SLC51B: variants seen among roughly 807,000 people sequenced by gnomAD.
SLC51B encodes organic solute transporter subunit beta.
SLC51B carries 6 observed loss-of-function variants against 8.0 expected under a neutral mutation model. That is an observed-to-expected ratio of 0.75 (90% CI 0.41 to 1.48). SLC51B has a LOEUF of 1.48. SLC51B is among the 40% of genes most tolerant of loss of function. SLC51B has a pLI of 0.01. For missense variants in SLC51B, 150 were observed against 149.7 expected, an observed-to-expected ratio of 1.00 and a Z score of -0.01; for synonymous variants, 61 against 54.8, an observed-to-expected ratio of 1.11 and a Z score of -0.50.
chr15:65,049,902 T>G lies in SLC51B; in HGVS notation c.-103T>G. 1.3e-6 allele frequency: 1 copy of G among 782,136 alleles called. No homozygotes were observed. The highest frequency in any genetic ancestry group is 3.1e-5 in the Admixed American group (1 of 32,598). The allele number at this position is 782,136 out of a possible 1,614,324, so 48.4% of individuals were successfully genotyped here. A position where few individuals can be genotyped will look rare whatever the true frequency, so the allele number is the denominator to read the frequency against. ...GCTGTCTGCTTTGTTTCCAGGGGTC[T>G]TCACGGCTTCTCTGCCCAGGGGCCA... On this transcript the variant is annotated 5_prime_UTR_variant, in exon 2 of 4. Transcript: ENST00000334287.
intron 1 of SLC51B, among the ~76,000 whole-genome samples, chr15:65,047,487 T>G (rs1182057940): frequency 6.6e-6 from 1 of 152,158 alleles, no homozygotes; most frequent in Non-Finnish European, 1.5e-5. Flanking sequence ...GAATATCCCA[T>G]GTGTCTAAAT....
intron 2 of SLC51B, 115 bp from the exon 3 acceptor site, chr15:65,051,400 C>A (rs1186803262): frequency 2.1e-6 from 2 of 935,940 alleles, no homozygotes; most frequent in African/African-American, 3.3e-5. Context: ...TTAGGGTCTC[C>A]ACGCAAAGGA....
chr15:65,051,416 G>T, intron 2 of SLC51B, 99 bp from the exon 3 acceptor site: 1 of 1,120,828 alleles, frequency 8.9e-7, no homozygotes, highest in Non-Finnish European at 1.3e-6. Context: ...AAGGACAGTT[G>T]ATGCTGTAAG....
intron 3 of SLC51B, among the ~76,000 whole-genome samples, chr15:65,052,585 T>C (rs1249396513): frequency 6.6e-6 from 1 of 151,822 alleles, no homozygotes; most frequent in Admixed American, 6.6e-5. Context: ...TTAGTAGAGA[T>C]GGGGTTTTGC....
intron 3 of SLC51B, 84 bp from the exon 4 acceptor site, chr15:65,052,882 T>C: frequency 7.6e-7 from 1 of 1,314,256 alleles, no homozygotes; most frequent in South Asian, 1.3e-5. Flanking sequence ...AATTTTCCCC[T>C]TAGACTCTTT....
intron 1 of SLC51B, among the ~76,000 whole-genome samples, chr15:65,047,589 C>T (rs149224881): frequency 6.6e-6 from 1 of 152,100 alleles, no homozygotes; most frequent in African/African-American, 2.4e-5. Flanking sequence ...GGCACAGGGG[C>T]CTGTGGCTGA....
intron 3 of SLC51B, among the ~76,000 whole-genome samples, chr15:65,052,690 C>T (rs2086670225): frequency 6.6e-6 from 1 of 152,132 alleles, no homozygotes; most frequent in Non-Finnish European, 1.5e-5. Flanking sequence ...AGCCACTGCA[C>T]CTGGTCTCCT....
intron 2 of SLC51B, 24 bp from the exon 3 acceptor site, chr15:65,051,491 T>C (rs1331983732): frequency 6.2e-7 from 1 of 1,611,504 alleles, no homozygotes; most frequent in Admixed American, 1.7e-5. Flanking sequence ...TCCTCAGGGC[T>C]CTGTCCTGTG....
chr15:65,052,229 A>G (rs1258997773), intron 3 of SLC51B, among the ~76,000 whole-genome samples: 1 of 151,970 alleles, frequency 6.6e-6, no homozygotes, highest in Non-Finnish European at 1.5e-5. Flanking sequence ...AGGCAGAGAG[A>G]TTAGTTAGAA....
rs1339167298 is a variant in SLC51B, at chr15:65,053,040, GCCTAAACAA to G, written c.269_277del (p.Asn90_Leu92del). The G allele has an allele frequency of 6.2e-7, 1 of 1,613,818 alleles. No homozygotes were observed. Among genetic ancestry groups the G allele is most frequent in the Non-Finnish European group, 8.5e-7 (1 of 1,180,030 alleles). Reference sequence around the variant, plus strand: ...TTGGATGAGGCCAAGGATCACAACAGCCTAAACAACCTAAGAGAAACTTTGCTCTCAGAA... The same window carrying G: ...TTGGATGAGGCCAAGGATCACAACAGCCTAAGAGAAACTTTGCTCTCAGAA... On this transcript the variant is annotated inframe_deletion, in exon 4 of 4. Transcript: ENST00000334287.
At chr15:65,051,635 G>A in intron 3 of SLC51B, 30 bp downstream of exon 3, 1 of 1,603,326 alleles carries the variant, frequency 6.2e-7, no homozygotes, top group Non-Finnish European at 8.5e-7. Context: ...GGGATGGGGT[G>A]GTCTCTGTGG....
chr15:65,046,243 G>A (rs1221352690), intron 1 of SLC51B, among the ~76,000 whole-genome samples: 4 of 152,258 alleles, frequency 2.6e-5, no homozygotes, highest in Admixed American at 6.5e-5. Context: ...GGAGGTTGCA[G>A]TGAGCTGAGA....
In SLC51B at chr15:65,049,932, C is replaced by T; in HGVS notation, c.-73C>T. 1.6e-6 allele frequency: 2 copies of T among 1,222,442 alleles called. No individual in the cohort carries two copies. The highest frequency in any genetic ancestry group is 2.3e-6 in the Non-Finnish European group (2 of 874,370). 75.7% of individuals were successfully genotyped at this position (1,222,442 alleles called of 1,614,324 possible). ...GGCTTCTCTGCCCAGGGGCCAGAACCGAGGAGGCCAGGAGGGCTGCTGGGG... is the reference window on the plus strand; with the variant it reads ...GGCTTCTCTGCCCAGGGGCCAGAACTGAGGAGGCCAGGAGGGCTGCTGGGG... On this transcript the variant is annotated 5_prime_UTR_variant, in exon 2 of 4. Transcript: ENST00000334287.
rs1439334994 is a variant in SLC51B at position 65,053,040 on chromosome 15, G to C, written c.263G>C (p.Ser88Thr). ...TTGGATGAGGCCAAGGATCACAACA[G>C]CCTAAACAACCTAAGAGAAACTTTG... is the stretch of plus-strand genomic sequence containing the variant. ...LHLDEAKDHN[S>T]LNNLRETLLS... Residue 88 changes from serine (S) to threonine (T), a missense_variant, in exon 4 of 4, where the codon AGC becomes ACC. By Grantham distance (58) the Ser-to-Thr change is moderately conservative. Transcript: ENST00000334287. The C allele has an allele frequency of 3.7e-6, 6 of 1,613,818 alleles. No individual in the cohort carries two copies. The South Asian group carries it at 4.4e-5, about 12-fold the overall frequency.
rs67418433 is a variant in SLC51B, at chr15:65,050,833, C to CTTTTTTTTTTTTTTTTTTTTTTT, written c.98-680_98-679insTTTTTTTTTTTTTTTTTTTTTTT. On this transcript the variant is annotated intron_variant, in intron 2 of 3. Coordinates refer to ENST00000334287, the MANE Select transcript of SLC51B (RefSeq NM_178859.4). Reference sequence around the variant, plus strand: ...TCCTTTTTTTTTCTTTCTTCTTCTTCTTCTTTTTTTTTTTTTTTTTGCCTT... The same window carrying CTTTTTTTTTTTTTTTTTTTTTTT: ...TCCTTTTTTTTTCTTTCTTCTTCTTCTTTTTTTTTTTTTTTTTTTTTTTTTCTTTTTTTTTTTTTTTTTGCCTT... 2.7e-4 allele frequency among the ~76,000 whole-genome samples: 24 copies of CTTTTTTTTTTTTTTTTTTTTTTT among 88,596 alleles called. 1 individual carries two copies. Among genetic ancestry groups the CTTTTTTTTTTTTTTTTTTTTTTT allele is most frequent in the South Asian group, 5.1e-4 (1 of 1,946 alleles). 58.1% of individuals were successfully genotyped at this position (88,596 alleles called of 152,430 possible).
At chr15:65,045,785 T>C (rs1031449486) in intron 1 of SLC51B, among the ~76,000 whole-genome samples, 1 of 152,222 alleles carries the variant, frequency 6.6e-6, no homozygotes, top group African/African-American at 2.4e-5. Flanking sequence ...ACTAACAAAA[T>C]GCAAATAAGG....
intron 3 of SLC51B, 74 bp downstream of exon 3, chr15:65,051,679 G>C: frequency 1.4e-6 from 2 of 1,437,310 alleles, no homozygotes; most frequent in Non-Finnish European, 2.0e-6. Context: ...GGGAAATCTA[G>C]AGAGGGGTCA....
intron 2 of SLC51B, 142 bp from the exon 3 acceptor site, chr15:65,051,373 A>G: frequency 1.4e-6 from 1 of 715,776 alleles, no homozygotes. Context: ...GCCCCAGGGC[A>G]AGGGGCCCAT....
chr15:65,052,932 C>CGGG, intron 3 of SLC51B, 34 bp from the exon 4 acceptor site: 1 of 1,170,746 alleles, frequency 8.5e-7, no homozygotes, highest in Non-Finnish European at 1.2e-6. Context: ...AACCACTCAG[C>CGGG]CCCCCTCATT....
Sources: allele counts gnomAD v4.1 joint callset (sites outside exome capture counted in the v4.1 genomes callset), GRCh38; gene constraint gnomAD v4.1.1; transcripts MANE v1.5; gene names NCBI Gene and HGNC (gene_info 2026-07-23, HGNC 2026-07-21).